Variants in MAP4K4 observed in about 807,000 individuals in gnomAD.
The protein encoded by MAP4K4 is mitogen-activated protein kinase kinase kinase kinase 4.
MAP4K4 carries 38 observed loss-of-function variants against 189.6 expected under a neutral mutation model. The observed-to-expected ratio is 0.20, with a 90% CI of 0.15 to 0.26. MAP4K4 has a LOEUF of 0.26. Among genes scored for constraint, MAP4K4 ranks in the 10% least tolerant of loss-of-function variants. The pLI is 1.00. For missense variants in MAP4K4, 1,054 were observed against 1,726.9 expected (o/e 0.61, Z 6.91); for synonymous variants, 610 against 624.3 (o/e 0.98, Z 0.34).
In MAP4K4 at chr2:101,841,554, C is replaced by T. The variant is rs371523754; in HGVS notation, c.950-1055C>T. Among the ~76,000 whole-genome samples the T allele has an allele frequency of 1.2e-4, 19 of 152,048 alleles. No individual in the cohort carries two copies. In the East Asian group the frequency reaches 2.7e-3, roughly 22 times the overall value. On this transcript the variant is annotated intron_variant, in intron 10 of 32. Coordinates refer to ENST00000324219, the Ensembl canonical transcript of MAP4K4. ...TGCGTTCTTGGCTCACTGCAGCCTC[C>T]GCCTCCCAGGTTCAAGTGATTGTCC...
At chr2:101,830,546 G>A (rs1200438046) in intron 6 of MAP4K4, among the ~76,000 whole-genome samples, 1 of 152,120 alleles carries the variant, frequency 6.6e-6, no homozygotes, top group Non-Finnish European at 1.5e-5. Flanking sequence ...GAAATCATAG[G>A]CACAGCTGTT....
intron 2 of MAP4K4, among the ~76,000 whole-genome samples, chr2:101,762,257 A>G (rs571372168): frequency 1.3e-5 from 2 of 152,326 alleles, no homozygotes; most frequent in East Asian, 3.9e-4. Flanking sequence ...ATCCTCAGTA[A>G]GAGAATATGG....
chr2:101,757,132 T>C (rs1165254211), intron 2 of MAP4K4, among the ~76,000 whole-genome samples: 3 of 152,198 alleles, frequency 2.0e-5, no homozygotes, highest in Non-Finnish European at 4.4e-5. Context: ...GGGATGTCTT[T>C]CATGTGGGAG....
At chr2:101,788,496 A>G (rs1247025648) in intron 2 of MAP4K4, among the ~76,000 whole-genome samples, 1 of 152,228 alleles carries the variant, frequency 6.6e-6, no homozygotes, top group Non-Finnish European at 1.5e-5. Flanking sequence ...TGGGTCCCAG[A>G]TTAATTTTTC....
chr2:101,752,034 T>G (rs1259036667), intron 2 of MAP4K4, among the ~76,000 whole-genome samples: 1 of 152,180 alleles, frequency 6.6e-6, no homozygotes, highest in East Asian at 1.9e-4. Flanking sequence ...GTTTGTAGGG[T>G]GAGCCATGTG....
At position 101,868,054 on chromosome 2, in the gene MAP4K4, A is replaced by G. The variant is rs747961088; in HGVS notation, c.2463+17A>G. On this transcript the variant is annotated intron_variant, in intron 21 of 32. Transcript: ENST00000324219. ...GGCGAAGTGGTAAGCGCCATCTCTG[A>G]AAAGTTCCACTTCAGAGCAGCACTC... 2.4e-5 allele frequency: 39 copies of G among 1,611,332 alleles called. No individual in the cohort carries two copies. In the Admixed American group the frequency reaches 6.5e-4, roughly 27 times the overall value.
chr2:101,765,029 G>A (rs1347188574), intron 2 of MAP4K4, among the ~76,000 whole-genome samples: 1 of 152,160 alleles, frequency 6.6e-6, no homozygotes, highest in East Asian at 1.9e-4. Flanking sequence ...ATTTAAGTAA[G>A]CAAGGTAAAC....
intron 2 of MAP4K4, among the ~76,000 whole-genome samples, chr2:101,758,463 T>C (rs1209027897): frequency 6.6e-6 from 1 of 152,206 alleles, no homozygotes; most frequent in Non-Finnish European, 1.5e-5. Flanking sequence ...TGAAAATATA[T>C]GCAGGATGTG....
intron 23 of MAP4K4, 46 bp downstream of exon 23, chr2:101,870,461 T>C: frequency 6.2e-7 from 1 of 1,606,288 alleles, no homozygotes; most frequent in Non-Finnish European, 8.5e-7. Flanking sequence ...TCTCCTGTGG[T>C]CATTAACCCA....
intron 29 of MAP4K4, among the ~76,000 whole-genome samples, 195 bp from the exon 30 acceptor site, chr2:101,886,893 C>T (rs1315007068): frequency 2.0e-5 from 3 of 152,006 alleles, no homozygotes; most frequent in South Asian, 2.1e-4. Context: ...AGTGTGGTGG[C>T]GGGCACCTGT....
intron 3 of MAP4K4, among the ~76,000 whole-genome samples, chr2:101,797,889 G>GTGTTTTTTTGTTTTTT (rs1553478618): frequency 3.8e-5 from 2 of 52,304 alleles, no homozygotes; most frequent in African/African-American, 1.5e-4. Context: ...CATTCTTTTA[G>GTGTTTTTTTGTTTTTT]TTTTTTTTTT....
intron 2 of MAP4K4, among the ~76,000 whole-genome samples, chr2:101,775,225 A>G (rs975285981): frequency 6.6e-6 from 1 of 151,806 alleles, no homozygotes; most frequent in Non-Finnish European, 1.5e-5. Context: ...GCTGGCCTAT[A>G]TCCACAAAGA....
chr2:101,830,182 A>G lies in MAP4K4; in HGVS notation c.508+588A>G, dbSNP rs148465584. ...TGTTTCTTTCATAGTATTGTTCACAATGTATAGTTATGTGATTGTTTTTTA... is the reference window on the plus strand; with the variant it reads ...TGTTTCTTTCATAGTATTGTTCACAGTGTATAGTTATGTGATTGTTTTTTA... On this transcript the variant is annotated intron_variant, in intron 6 of 32. Transcript: ENST00000324219. Among the ~76,000 whole-genome samples the G allele has an allele frequency of 3.1e-3, 475 of 152,172 alleles. 3 individuals carry two copies. The highest frequency in any genetic ancestry group is 0.01 in the African/African-American group (435 of 41,496).
chr2:101,851,198 A>G (rs2097271430), intron 12 of MAP4K4, among the ~76,000 whole-genome samples: 1 of 152,236 alleles, frequency 6.6e-6, no homozygotes, highest in Admixed American at 6.5e-5. Flanking sequence ...GGGAAAATTT[A>G]AGTAATAAAA....
exon 1 of MAP4K4, chr2:101,697,929 C>CCCGCCG (rs577276891): frequency 2.0e-5 from 4 of 196,092 alleles, no homozygotes; most frequent in South Asian, 1.6e-4. Flanking sequence ...CGCAGCCGAG[C>CCCGCCG]CCGCCGCCGC....
chr2:101,838,144 C>T (rs915429267), intron 9 of MAP4K4, among the ~76,000 whole-genome samples: 2 of 152,202 alleles, frequency 1.3e-5, no homozygotes, highest in African/African-American at 4.8e-5. Flanking sequence ...CGTTGTAGAT[C>T]ATTGATTCCG....
In MAP4K4 at chr2:101,817,788, C is replaced by T. The variant is rs1027943600; in HGVS notation, c.181-6140C>T. ...GCAGAACTAGAAAGAGGATGCGTTGCGTTTTTGTTTGAAATGTGCTGAAGA... is the reference window on the plus strand; with the variant it reads ...GCAGAACTAGAAAGAGGATGCGTTGTGTTTTTGTTTGAAATGTGCTGAAGA... On this transcript the variant is annotated intron_variant, in intron 3 of 32. Transcript: ENST00000324219. Among the ~76,000 whole-genome samples, 8 of 152,180 alleles carry T rather than the reference C, an allele frequency of 5.3e-5. No individual in the cohort carries two copies. The South Asian group carries it at 8.3e-4, about 16-fold the overall frequency.
exon 15 of MAP4K4, chr2:101,859,821 C>G: frequency 1.9e-6 from 3 of 1,610,346 alleles, no homozygotes; most frequent in Non-Finnish European, 2.5e-6. Context: ...TTCCATGCTC[C>G]CGAGCCCAAA....
At chr2:101,720,275 G>A (rs146053587) in intron 2 of MAP4K4, among the ~76,000 whole-genome samples, 2 of 150,342 alleles carry the variant, frequency 1.3e-5, no homozygotes, top group South Asian at 2.2e-4. Flanking sequence ...CCAGGTTCAA[G>A]CCATTCTCCT....
Sources: gnomAD v4.1 joint callset for allele counts (sites outside exome capture counted in the v4.1 genomes callset) on GRCh38, gnomAD v4.1.1 for gene constraint, MANE v1.5 for transcripts, NCBI Gene and HGNC (gene_info 2026-07-23, HGNC 2026-07-21) for gene names.